The following RNFT2 variants were observed in gnomAD, a reference collection of about 807,000 sequenced individuals.
RNFT2 encodes the protein ring finger protein, transmembrane 2, also known as E3 ubiquitin-protein ligase RNFT2.
RNFT2 carries 36 observed loss-of-function variants against 53.0 expected under a neutral mutation model. The observed-to-expected ratio is 0.68, with a 90% confidence interval of 0.52 to 0.90. RNFT2 has a LOEUF of 0.90. Ranked by LOEUF, RNFT2 falls within the 40% of genes least tolerant of loss-of-function variation. The probability of loss-of-function intolerance (pLI) is 0.00; values close to 1 mark genes in which losing one functional copy is unlikely to be tolerated. For synonymous variants in RNFT2, 260 were observed against 253.2 expected, an observed-to-expected ratio of 1.03 and a Z score of -0.26; for missense variants, 514 against 585.6, an observed-to-expected ratio of 0.88 and a Z score of 1.26.
At chr12:116,792,160 C>T (rs929672668) in intron 7 of RNFT2, among the ~76,000 whole-genome samples, 3 of 152,126 alleles carry the variant, frequency 2.0e-5, no homozygotes, top group African/African-American at 7.2e-5. Context: ...AGCAATTCTC[C>T]TGACTCAGCC....
intron 7 of RNFT2, among the ~76,000 whole-genome samples, chr12:116,832,063 C>T (rs181439025): frequency 2.3e-4 from 33 of 145,796 alleles, no homozygotes; most frequent in African/African-American, 7.9e-4. Flanking sequence ...CCTGGGAAGT[C>T]GAGGCTGCAG....
intron 7 of RNFT2, among the ~76,000 whole-genome samples, chr12:116,824,221 T>C (rs1876203570): frequency 6.6e-6 from 1 of 152,140 alleles, no homozygotes; most frequent in African/African-American, 2.4e-5. Context: ...CCATTCCTAG[T>C]ATCTTCAGCA....
intron 7 of RNFT2, among the ~76,000 whole-genome samples, chr12:116,799,192 A>G (rs756754753): frequency 6.6e-6 from 1 of 152,196 alleles, no homozygotes; most frequent in Non-Finnish European, 1.5e-5. Flanking sequence ...CTCAGCTCCT[A>G]GAAGCCACGC....
intron 7 of RNFT2, among the ~76,000 whole-genome samples, chr12:116,816,257 G>A (rs1451183324): frequency 4.6e-5 from 7 of 152,162 alleles, no homozygotes; most frequent in African/African-American, 1.2e-4. Context: ...GGGCACGTGC[G>A]CTGGGCCCTT....
chr12:116,742,311 A>G (rs1158848927), intron 3 of RNFT2, among the ~76,000 whole-genome samples: 2 of 134,488 alleles, frequency 1.5e-5, no homozygotes, highest in Admixed American at 8.4e-5. Context: ...TCTGTTGCCC[A>G]GGCTAGAATG....
intron 7 of RNFT2, among the ~76,000 whole-genome samples, chr12:116,812,688 C>T (rs1045627494): frequency 1.2e-4 from 19 of 152,076 alleles, no homozygotes; most frequent in African/African-American, 3.6e-4. Context: ...CATGCGCCAC[C>T]ACACCTGACT....
chr12:116,852,236 T>G lies in RNFT2; in HGVS notation c.*2788T>G, dbSNP rs531050983. 56 of 1,276,646 alleles carry G rather than the reference T, an allele frequency of 4.4e-5. No individual in the cohort carries two copies. In the South Asian group the frequency reaches 1.1e-3, roughly 25 times the overall value. The allele number at this position is 1,276,646 out of a possible 1,614,324, so 79.1% of individuals were successfully genotyped here. A position where few individuals can be genotyped will look rare whatever the true frequency, so the allele number is the denominator to read the frequency against. ...CAGAGAAAGCAATCTGTGTGGCTAG[T>G]GGGCAGATTACCATGCAAGCCCCAG... On this transcript the variant is annotated 3_prime_UTR_variant, in exon 11 of 11. Transcript: ENST00000257575.
chr12:116,757,271 A>C (rs1361739303), intron 5 of RNFT2, among the ~76,000 whole-genome samples: 1 of 152,100 alleles, frequency 6.6e-6, no homozygotes, highest in East Asian at 1.9e-4. Context: ...TTTTCAAAGA[A>C]TCAGCTTCTT....
intron 7 of RNFT2, among the ~76,000 whole-genome samples, chr12:116,817,078 T>A (rs1875723193): frequency 6.6e-6 from 1 of 152,242 alleles, no homozygotes; most frequent in Admixed American, 6.5e-5. Flanking sequence ...AGTGGTGCGA[T>A]CGCAGCTCAC....
At chr12:116,805,917 T>A (rs1875024297) in intron 7 of RNFT2, among the ~76,000 whole-genome samples, 1 of 152,220 alleles carries the variant, frequency 6.6e-6, no homozygotes, top group African/African-American at 2.4e-5. Context: ...TTGTAGATGT[T>A]AACAACATTT....
chr12:116,796,851 G>A lies in RNFT2; in HGVS notation c.882+17503G>A, dbSNP rs140349345. ...TGCCCCATCCTGGAATAAGAACTTC[G>A]AGAAGAGCCAGCCACACTGGTTCCA... On this transcript the variant is annotated intron_variant, in intron 7 of 10. Coordinates refer to ENST00000257575, the MANE Select transcript of RNFT2 (RefSeq NM_001382266.1). Among the ~76,000 whole-genome samples, 631 of 152,294 alleles carry A rather than the reference G, an allele frequency of 4.1e-3. 4 individuals carry two copies. Among genetic ancestry groups the A allele is most frequent in the African/African-American group, 0.014 (586 of 41,552 alleles).
At chr12:116,755,583 G>A in intron 5 of RNFT2, 2 of 858,906 alleles carry the variant, frequency 2.3e-6, no homozygotes, top group African/African-American at 1.7e-5. Context: ...CTCTCAGAGT[G>A]CTTAATGTGC....
chr12:116,811,428 T>C (rs1441196227), intron 7 of RNFT2, among the ~76,000 whole-genome samples: 3 of 150,924 alleles, frequency 2.0e-5, no homozygotes, highest in Non-Finnish European at 4.4e-5. Flanking sequence ...CAGGCTGGAG[T>C]GCAGTGGGGC....
intron 7 of RNFT2, among the ~76,000 whole-genome samples, chr12:116,830,141 C>T (rs1876565869): frequency 6.6e-6 from 1 of 152,082 alleles, no homozygotes; most frequent in African/African-American, 2.4e-5. Flanking sequence ...CCCTTCATTC[C>T]TCTTCCCCTA....
intron 7 of RNFT2, among the ~76,000 whole-genome samples, chr12:116,795,390 AGAGT>A (rs1874455628): frequency 6.6e-6 from 1 of 151,782 alleles, no homozygotes; most frequent in Non-Finnish European, 1.5e-5. Flanking sequence ...CCTGGGCGGC[AGAGT>A]GAGACTCCAT....
chr12:116,748,850 C>CT, intron 3 of RNFT2: 2 of 224,900 alleles, frequency 8.9e-6, no homozygotes, highest in South Asian at 8.1e-5. Flanking sequence ...TCCCCTGCTC[C>CT]ATCCCTTACC....
At chr12:116,760,821 C>G (rs971289727) in intron 5 of RNFT2, among the ~76,000 whole-genome samples, 2 of 152,174 alleles carry the variant, frequency 1.3e-5, no homozygotes, top group African/African-American at 4.8e-5. Context: ...GCTGCTCTCT[C>G]TGGAGCTGCA....
At chr12:116,839,425 G>GGATGGATGGATGGA (rs1565875183) in intron 10 of RNFT2, among the ~76,000 whole-genome samples, 2 of 112,540 alleles carry the variant, frequency 1.8e-5, no homozygotes, top group Admixed American at 1.1e-4. Flanking sequence ...GGGTGGGTGG[G>GGATGGATGGATGGA]TGGATGGATG....
chr12:116,841,870 AATATATATATAAATATATATAAAAAT>A (rs1565876138), intron 10 of RNFT2, among the ~76,000 whole-genome samples: 544 of 25,254 alleles, frequency 0.022, 7 homozygotes, highest in African/African-American at 0.045. Flanking sequence ...TATATATATA[AATATATATATAAATATATATAAAAAT>A]ATATATATAT....
Sources: gnomAD v4.1 joint callset for allele counts (sites outside exome capture counted in the v4.1 genomes callset) on GRCh38, gnomAD v4.1.1 for gene constraint, MANE v1.5 for transcripts, NCBI Gene and HGNC (gene_info 2026-07-23, HGNC 2026-07-21) for gene names.